Variants in CNNM2 observed in about 807,000 individuals in gnomAD.
The protein encoded by CNNM2 is cyclin and CBS domain divalent metal cation transport mediator 2.
CNNM2 carries 12 observed loss-of-function variants against 66.9 expected under a neutral mutation model. The ratio of observed to expected loss-of-function variants is 0.18; its 90% CI spans 0.11 to 0.29. CNNM2 has a LOEUF of 0.29. Ranked by LOEUF, CNNM2 falls within the 10% of genes least tolerant of loss-of-function variation. The pLI, the probability that CNNM2 is intolerant of heterozygous loss-of-function variation, is 1.00. For missense variants in CNNM2, 705 were observed against 1,167.7 expected, an observed-to-expected ratio of 0.60 and a Z score of 5.77; for synonymous variants, 557 against 501.8, an observed-to-expected ratio of 1.11 and a Z score of -1.47.
At chr10:102,983,964 C>T (rs1036720663) in intron 1 of CNNM2, among the ~76,000 whole-genome samples, 6 of 151,892 alleles carry the variant, frequency 4.0e-5, no homozygotes, top group Admixed American at 2.0e-4. Context: ...GGGGTTTGAT[C>T]GGGCTGGTCT....
chr10:103,025,992 A>G (rs2134293257), intron 1 of CNNM2, among the ~76,000 whole-genome samples: 1 of 152,322 alleles, frequency 6.6e-6, no homozygotes, highest in South Asian at 2.1e-4. Context: ...GATTGGTGTC[A>G]TTATGTAGTT....
In CNNM2 at chr10:103,083,804, A is replaced by G. The variant is rs1180244272; in HGVS notation, c.*6624A>G. The G allele has an allele frequency of 6.6e-6, 1 of 152,250 alleles. No individual in the cohort carries two copies. Among genetic ancestry groups the G allele is most frequent in the African/African-American group, 2.4e-5 (1 of 41,460 alleles). The allele number at this position is 152,250 out of a possible 1,614,324, so 9.4% of individuals were successfully genotyped here. A position where few individuals can be genotyped will look rare whatever the true frequency, so the allele number is the denominator to read the frequency against. On this transcript the variant is annotated 3_prime_UTR_variant, in exon 8 of 8. Transcript: ENST00000369878. ...TTTCCTAGGTAAGACCAAAGGTCTCATTCAGGCCTCTCAATTGGCTCTTGA... is the reference window on the plus strand; with the variant it reads ...TTTCCTAGGTAAGACCAAAGGTCTCGTTCAGGCCTCTCAATTGGCTCTTGA...
chr10:103,024,482 A>ATTTTT lies in CNNM2; in HGVS notation c.1622-25224_1622-25220dup, dbSNP rs539591571. ...CCAAGCAAAATTTATTTTTATTTTTATTTTTATTTTTTTTGAGATGGAGTC... is the reference window on the plus strand; with the variant it reads ...CCAAGCAAAATTTATTTTTATTTTTATTTTTTTTTTATTTTTTTTGAGATGGAGTC... On this transcript the variant is annotated intron_variant, in intron 1 of 7. Transcript: ENST00000369878. Among the ~76,000 whole-genome samples the ATTTTT allele has an allele frequency of 4.3e-4, 66 of 151,944 alleles. 1 individual carries two copies. In the South Asian group the frequency reaches 0.013, roughly 31 times the overall value.
chr10:103,043,129 C>T (rs369900395), intron 1 of CNNM2, among the ~76,000 whole-genome samples: 6 of 152,240 alleles, frequency 3.9e-5, no homozygotes, highest in Non-Finnish European at 5.9e-5. Context: ...AGTTGTGCAA[C>T]GCAGATGTCA....
At chr10:103,042,895 C>T (rs2065066466) in intron 1 of CNNM2, among the ~76,000 whole-genome samples, 1 of 152,118 alleles carries the variant, frequency 6.6e-6, no homozygotes, top group Non-Finnish European at 1.5e-5. Flanking sequence ...ACTTGGAGAG[C>T]TTTTGCTTCT....
At chr10:102,994,720 C>A (rs1220116405) in intron 1 of CNNM2, among the ~76,000 whole-genome samples, 1 of 152,242 alleles carries the variant, frequency 6.6e-6, no homozygotes, top group East Asian at 1.9e-4. Context: ...CCAGGCCTTG[C>A]CTCTGATACC....
chr10:103,033,691 T>C (rs2064873445), intron 1 of CNNM2, among the ~76,000 whole-genome samples: 1 of 152,100 alleles, frequency 6.6e-6, no homozygotes, highest in South Asian at 2.1e-4. Flanking sequence ...TTCACCATGT[T>C]GGCCAGGCTG....
Position 102,918,338 on chromosome 10 carries a change from C to T in CNNM2, c.-143C>T, listed in dbSNP as rs1396908893. 1.2e-5 allele frequency: 16 copies of T among 1,374,430 alleles called. No homozygotes were observed. Among genetic ancestry groups the T allele is most frequent in the African/African-American group, 3.0e-5 (2 of 66,178 alleles). 85.1% of individuals were successfully genotyped at this position (1,374,430 alleles called of 1,614,324 possible). ...GCGAGCCTCGGGGTTCCTCAGCTGG[C>T]TGAGGTGGAGTCAGTGTCAGTCAGG... On this transcript the variant is annotated 5_prime_UTR_variant, in exon 1 of 8. Transcript: ENST00000369878. This position sits in a 1 kb window ranked among gnomAD's most constrained non-coding sequence, Gnocchi z 4.1.
At position 102,918,434 on chromosome 10, in the gene CNNM2, G is replaced by A; in HGVS notation, c.-47G>A. ...CGCCCAGGGGCCGGTACCTGCGCTC[G>A]CGCCGCCGGGTTGAAAGGATGAAGC... On this transcript the variant is annotated 5_prime_UTR_variant, in exon 1 of 8. Coordinates refer to ENST00000369878, the MANE Select transcript of CNNM2 (RefSeq NM_017649.5). This position sits in a 1 kb window ranked among gnomAD's most constrained non-coding sequence, Gnocchi z 4.1. 2 of 1,573,920 alleles carry A rather than the reference G, an allele frequency of 1.3e-6. No individual in the cohort carries two copies. Among genetic ancestry groups the A allele is most frequent in the Non-Finnish European group, 1.7e-6 (2 of 1,165,894 alleles).
chr10:102,991,351 C>G (rs1319770722), intron 1 of CNNM2, among the ~76,000 whole-genome samples: 1 of 152,080 alleles, frequency 6.6e-6, no homozygotes. Context: ...TAAAATCCCT[C>G]CAACTTCAAA....
intron 1 of CNNM2, among the ~76,000 whole-genome samples, chr10:102,933,228 C>T (rs2134168901): frequency 6.6e-6 from 1 of 152,226 alleles, no homozygotes; most frequent in East Asian, 1.9e-4. Flanking sequence ...AGGAGTATTG[C>T]AATGTTAACA....
intron 1 of CNNM2, among the ~76,000 whole-genome samples, chr10:103,030,208 A>T (rs1180859694): frequency 1.3e-5 from 2 of 152,212 alleles, no homozygotes; most frequent in East Asian, 3.9e-4. Flanking sequence ...CGGGCTTTGA[A>T]TGCCATCCCA....
intron 5 of CNNM2, among the ~76,000 whole-genome samples, chr10:103,069,501 T>C (rs1431417963): frequency 6.6e-6 from 1 of 152,232 alleles, no homozygotes; most frequent in Non-Finnish European, 1.5e-5. Context: ...TGCATGTTTC[T>C]GAGGACGAAT....
At position 102,919,594 on chromosome 10, in the gene CNNM2, G is replaced by A; in HGVS notation, c.1114G>A (p.Gly372Arg). ...AICSRHGLAV[G>R]ANTIFLTKFF... Reference sequence around the variant, plus strand: ...CTGCTCCCGGCATGGCCTGGCTGTGGGGGCCAACACCATCTTCCTCACCAA... The same window carrying A: ...CTGCTCCCGGCATGGCCTGGCTGTGAGGGCCAACACCATCTTCCTCACCAA... Residue 372 changes from glycine (G) to arginine (R), a missense_variant, in exon 1 of 8, where the codon GGG becomes AGG. Around this residue, in one of 9 missense-constraint regions of CNNM2, gnomAD observed 27 missense variants for 40.7 expected, o/e 0.66. Coordinates refer to ENST00000369878, the MANE Select transcript of CNNM2 (RefSeq NM_017649.5). The A allele has an allele frequency of 6.2e-7, 1 of 1,613,702 alleles. No homozygotes were observed. The highest frequency in any genetic ancestry group is 8.5e-7 in the Non-Finnish European group (1 of 1,180,042).
intron 1 of CNNM2, among the ~76,000 whole-genome samples, chr10:103,030,199 G>A (rs913701733): frequency 1.3e-5 from 2 of 152,148 alleles, no homozygotes; most frequent in Non-Finnish European, 2.9e-5. Context: ...CCATCATGAC[G>A]GGCTTTGAAT....
At chr10:103,033,986 A>G (rs2064880032) in intron 1 of CNNM2, among the ~76,000 whole-genome samples, 1 of 152,080 alleles carries the variant, frequency 6.6e-6, no homozygotes, top group Non-Finnish European at 1.5e-5. Context: ...GACAATGAGG[A>G]AGACCTTGAA....
chr10:102,928,748 G>A (rs1845965666), intron 1 of CNNM2, among the ~76,000 whole-genome samples: 1 of 152,140 alleles, frequency 6.6e-6, no homozygotes, highest in South Asian at 2.1e-4. Context: ...GCACTTGTAT[G>A]AGGCGCTGGT....
rs940920275 is a variant in CNNM2, at chr10:103,082,800, G to A, written c.*5620G>A. The stretch of plus-strand genomic sequence containing the variant: ...GCAGGTCTCCTACCTTGTGGGCAGG[G>A]CCTCTCAAGTACCTCCATGAAATAT... On this transcript the variant is annotated 3_prime_UTR_variant, in exon 8 of 8. Transcript: ENST00000369878. The A allele has an allele frequency of 8.5e-5, 13 of 152,236 alleles. No homozygotes were observed. The highest frequency in any genetic ancestry group is 2.9e-4 in the African/African-American group (12 of 41,432). 9.4% of individuals were successfully genotyped at this position (152,236 alleles called of 1,614,324 possible).
intron 1 of CNNM2, among the ~76,000 whole-genome samples, chr10:102,948,879 T>G (rs955262091): frequency 6.6e-6 from 1 of 151,394 alleles, no homozygotes; most frequent in Non-Finnish European, 1.5e-5. Flanking sequence ...CTTTCAATGA[T>G]AGAGAGAGAG....
Sources: allele counts gnomAD v4.1 joint callset (sites outside exome capture counted in the v4.1 genomes callset), GRCh38; gene constraint gnomAD v4.1.1; regional missense constraint gnomAD v4.1.1; non-coding constraint Gnocchi (gnomAD v3.1); transcripts MANE v1.5; gene names NCBI Gene and HGNC (gene_info 2026-07-23, HGNC 2026-07-21).